Variants in GRM8 observed in about 807,000 individuals in gnomAD.
GRM8 encodes the protein glutamate metabotropic receptor 8, also known as metabotropic glutamate receptor 8.
A neutral mutation model predicts 87.2 loss-of-function variants in GRM8; 47 were observed. The ratio of observed to expected loss-of-function variants is 0.54; its 90% confidence interval spans 0.43 to 0.69. The LOEUF is 0.69. Ranked by LOEUF, GRM8 falls within the 30% of genes least tolerant of loss-of-function variation. The pLI, the probability that GRM8 is intolerant of heterozygous loss-of-function variation, is 0.00. For synonymous variants in GRM8, 396 were observed against 404.5 expected, an observed-to-expected ratio of 0.98 and a Z score of 0.25; for missense variants, 1,019 against 1,139.2, an observed-to-expected ratio of 0.89 and a Z score of 1.52.
chr7:126,620,342 T>C (rs1328987138), intron 7 of GRM8, among the ~76,000 whole-genome samples: 1 of 152,150 alleles, frequency 6.6e-6, no homozygotes, highest in African/African-American at 2.4e-5. Context: ...ACAAACAACA[T>C]GGAGTTGTGA....
chr7:126,997,984 C>T (rs1322245404), intron 3 of GRM8, among the ~76,000 whole-genome samples: 2 of 151,866 alleles, frequency 1.3e-5, no homozygotes, highest in Non-Finnish European at 2.9e-5. Flanking sequence ...AAAAAGAAAA[C>T]TATAGGCCAA....
intron 6 of GRM8, among the ~76,000 whole-genome samples, chr7:126,797,306 A>C (rs1343556314): frequency 6.6e-6 from 1 of 152,140 alleles, no homozygotes; most frequent in Non-Finnish European, 1.5e-5. Context: ...AGCATTAGTA[A>C]AAGTGGCTTA....
At chr7:127,058,061 C>A (rs567081480) in intron 3 of GRM8, 1 of 431,902 alleles carries the variant, frequency 2.3e-6, no homozygotes, top group Non-Finnish European at 4.9e-6. Context: ...GTTTAAAAAC[C>A]CTTCTGGAAT....
intron 9 of GRM8, among the ~76,000 whole-genome samples, chr7:126,482,300 A>G (rs1582258): frequency 0.31 from 46,841 of 151,864 alleles, 8,060 homozygotes; most frequent in Non-Finnish European, 0.37. Context: ...CCACTTCTGG[A>G]TATATGCCAC....
At chr7:126,908,216 A>G (rs1198856791) in intron 3 of GRM8, among the ~76,000 whole-genome samples, 5 of 152,164 alleles carry the variant, frequency 3.3e-5, no homozygotes, top group Non-Finnish European at 5.9e-5. Context: ...TCACTGAGAG[A>G]GAATATTTAA....
intron 6 of GRM8, among the ~76,000 whole-genome samples, chr7:126,843,960 G>C (rs1563241985): frequency 6.6e-6 from 1 of 152,184 alleles, no homozygotes; most frequent in Non-Finnish European, 1.5e-5. Context: ...AAATTGCACA[G>C]GGATGTTATT....
intron 3 of GRM8, among the ~76,000 whole-genome samples, chr7:127,017,505 A>G (rs1016718505): frequency 1.2e-4 from 18 of 152,134 alleles, no homozygotes; most frequent in African/African-American, 4.1e-4. Context: ...ATATAAATAA[A>G]TGATGTCACA....
chr7:127,208,080 T>C (rs775047613), intron 2 of GRM8, among the ~76,000 whole-genome samples: 2 of 152,186 alleles, frequency 1.3e-5, no homozygotes, highest in Non-Finnish European at 2.9e-5. Context: ...TGTGGTTCAG[T>C]AACTTTCTCC....
intron 7 of GRM8, among the ~76,000 whole-genome samples, chr7:126,743,137 G>A (rs992156695): frequency 6.6e-6 from 1 of 152,032 alleles, no homozygotes; most frequent in Non-Finnish European, 1.5e-5. Context: ...AGTGTGCTTT[G>A]AAAAATAAAG....
At chr7:126,987,697 T>C (rs911050805) in intron 3 of GRM8, among the ~76,000 whole-genome samples, 1 of 152,102 alleles carries the variant, frequency 6.6e-6, no homozygotes, top group Non-Finnish European at 1.5e-5. Flanking sequence ...TCTCCTGACC[T>C]CGTGATTCGC....
intron 2 of GRM8, among the ~76,000 whole-genome samples, chr7:127,220,655 T>A (rs17864163): frequency 0.18 from 26,605 of 148,098 alleles, 2,486 homozygotes; most frequent in Middle Eastern, 0.21. Context: ...CAGCTAATTT[T>A]AAAAAAAAAA....
chr7:126,942,158 A>G (rs192404229), intron 3 of GRM8, among the ~76,000 whole-genome samples: 1 of 152,162 alleles, frequency 6.6e-6, no homozygotes, highest in East Asian at 1.9e-4. Context: ...ATTTCCAAGC[A>G]TCTACACTCC....
intron 5 of GRM8, among the ~76,000 whole-genome samples, chr7:126,903,125 T>A (rs1802264962): frequency 6.6e-6 from 1 of 152,204 alleles, no homozygotes; most frequent in African/African-American, 2.4e-5. Context: ...CCTTCCTATA[T>A]GTTCTGTTTT....
chr7:126,743,237 T>C (rs1311429454), intron 7 of GRM8, among the ~76,000 whole-genome samples: 2 of 152,160 alleles, frequency 1.3e-5, no homozygotes, highest in African/African-American at 4.8e-5. Flanking sequence ...ATACAACTGA[T>C]TGGCAGTTTA....
chr7:126,991,911 C>T (rs1320341687), intron 3 of GRM8, among the ~76,000 whole-genome samples: 1 of 152,052 alleles, frequency 6.6e-6, no homozygotes, highest in Non-Finnish European at 1.5e-5. Flanking sequence ...TCAGTGGCTG[C>T]TTTGAACTTT....
rs539081221 is a variant in GRM8, at chr7:126,929,444, A to G, written c.728-24761T>C. On this transcript the variant is annotated intron_variant, in intron 3 of 10. Transcript: ENST00000339582. ...TTATTTTTATTTTTTATTTTATTGT[A>G]TTTTTTTGAGATGGAGTCTTGCTCT... 3.3e-5 allele frequency among the ~76,000 whole-genome samples: 5 copies of G among 151,992 alleles called. No homozygotes were observed. In the South Asian group the frequency reaches 1.0e-3, roughly 32 times the overall value.
chr7:126,484,818 T>C lies in GRM8; in HGVS notation c.2431-38446A>G, dbSNP rs1027694357. Among the ~76,000 whole-genome samples the C allele has an allele frequency of 3.3e-5, 5 of 151,772 alleles. No homozygotes were observed. The East Asian group carries it at 9.7e-4, about 29-fold the overall frequency. ...CGTGCTATTAAAAATATTAAATAACTGACCCCATTTTTGGAAAGCTGGGTA... is the reference window on the plus strand; with the variant it reads ...CGTGCTATTAAAAATATTAAATAACCGACCCCATTTTTGGAAAGCTGGGTA... On this transcript the variant is annotated intron_variant, in intron 9 of 10. Coordinates refer to ENST00000339582, the MANE Select transcript of GRM8 (RefSeq NM_000845.3).
chr7:126,605,591 C>T (rs970933542), intron 8 of GRM8, among the ~76,000 whole-genome samples: 5 of 152,246 alleles, frequency 3.3e-5, no homozygotes, highest in African/African-American at 1.2e-4. Context: ...CATATACCCT[C>T]TTTGTACAAA....
At chr7:126,715,722 T>C (rs1811663112) in intron 7 of GRM8, among the ~76,000 whole-genome samples, 1 of 152,196 alleles carries the variant, frequency 6.6e-6, no homozygotes, top group South Asian at 2.1e-4. Flanking sequence ...ACTGTATTTG[T>C]TTGCACCCAT....
Sources: gnomAD v4.1 joint callset for allele counts (sites outside exome capture counted in the v4.1 genomes callset) on GRCh38, gnomAD v4.1.1 for gene constraint, MANE v1.5 for transcripts, NCBI Gene and HGNC (gene_info 2026-07-23, HGNC 2026-07-21) for gene names.